The following SIGLEC5 variants were observed in gnomAD, a reference collection of about 807,000 sequenced individuals.
The protein encoded by SIGLEC5 is sialic acid-binding Ig-like lectin 5.
In SIGLEC5, 34 loss-of-function variants were observed where a neutral mutation model predicts 45.9. The ratio of observed to expected loss-of-function variants is 0.74; its 90% CI spans 0.56 to 0.99. SIGLEC5 has a LOEUF of 0.99. Among genes scored for constraint, SIGLEC5 ranks in the 50% least tolerant of loss-of-function variants. The pLI is 0.00. For synonymous variants in SIGLEC5, 203 were observed against 258.6 expected, an observed-to-expected ratio of 0.79 and a Z score of 2.06; for missense variants, 508 against 629.6, an observed-to-expected ratio of 0.81 and a Z score of 2.07.
chr19:51,622,302 T>TA (rs1983320411), intron 8 of SIGLEC5, among the ~76,000 whole-genome samples: 1 of 151,776 alleles, frequency 6.6e-6, no homozygotes, highest in African/African-American at 2.4e-5. Flanking sequence ...TGGCTAATTT[T>TA]TTTTTTTTTT....
At chr19:51,615,526 CACTGGGGTGAGGAGAAGGAGA>C (rs1310099618) in intron 8 of SIGLEC5, among the ~76,000 whole-genome samples, 3 of 152,166 alleles carry the variant, frequency 2.0e-5, no homozygotes, top group Non-Finnish European at 4.4e-5. Context: ...ACCAGAGGCC[CACTGGGGTGAGGAGAAGGAGA>C]ACGGAGGTGG....
At chr19:51,619,056 G>A (rs959792481) in intron 8 of SIGLEC5, among the ~76,000 whole-genome samples, 2 of 152,124 alleles carry the variant, frequency 1.3e-5, no homozygotes, top group Non-Finnish European at 2.9e-5. Flanking sequence ...ATTTGGATTT[G>A]AACATTACAA....
chr19:51,623,828 C>T (rs989643715), intron 8 of SIGLEC5, among the ~76,000 whole-genome samples: 3 of 152,078 alleles, frequency 2.0e-5, no homozygotes, highest in Non-Finnish European at 2.9e-5. Context: ...ATGTTCAGAA[C>T]GGCTCAAATG....
In SIGLEC5 at chr19:51,626,052, T is replaced by C; in HGVS notation, c.1444A>G (p.Ile482Val). The C allele has an allele frequency of 1.2e-6, 2 of 1,613,906 alleles. No individual in the cohort carries two copies. Among genetic ancestry groups the C allele is most frequent in the Non-Finnish European group, 1.7e-6 (2 of 1,179,936 alleles). The change falls in exon 8 of 9, where the codon ATT becomes GTT. Residue 482 changes from isoleucine to valine, a missense_variant. Coordinates refer to ENST00000683636, the MANE Select transcript of SIGLEC5 (RefSeq NM_003830.4). ...CTCACCGAGGTGATGGTACCCATAA[T>C]GGGGTCTTCATCATCCATTTTCTCT... ...RPEKMDDEDP[I>V]MGTITSGSRK...
In SIGLEC5 at chr19:51,615,861, C is replaced by A. The variant is rs189125443; in HGVS notation, c.1465-3439G>T. Among the ~76,000 whole-genome samples, 5 of 152,320 alleles carry A rather than the reference C, an allele frequency of 3.3e-5. No individual in the cohort carries two copies. In the East Asian group the frequency reaches 9.6e-4, roughly 29 times the overall value. ...GCATGATCTCGGCTCACTGCAACCT[C>A]CACCTCCCAGGTTCAAGAGATTCCC... On this transcript the variant is annotated intron_variant, in intron 8 of 8. Transcript: ENST00000683636.
intron 8 of SIGLEC5, among the ~76,000 whole-genome samples, chr19:51,619,969 A>G (rs1023176622): frequency 1.1e-4 from 16 of 152,022 alleles, no homozygotes; most frequent in Non-Finnish European, 1.9e-4. Context: ...CAAATAACCA[A>G]TGTCAGGAAT....
At chr19:51,626,242 C>T (rs866590477) in intron 7 of SIGLEC5, 129 bp from the exon 8 acceptor site, 1 of 690,556 alleles carries the variant, frequency 1.4e-6, no homozygotes, top group South Asian at 1.7e-5. Context: ...ACTCGGAGAC[C>T]TTCCTGACTT....
At position 51,612,212 on chromosome 19, in the gene SIGLEC5, C is replaced by G; in HGVS notation, c.*19G>C. On this transcript the variant is annotated 3_prime_UTR_variant, in exon 9 of 9. Transcript: ENST00000683636. ...CAGGCTGTGGCTCCTCCAGCCAGGACTGAACTCTGGGCAAATCCTCACTTG... is the reference window on the plus strand; with the variant it reads ...CAGGCTGTGGCTCCTCCAGCCAGGAGTGAACTCTGGGCAAATCCTCACTTG... 1 of 1,574,674 alleles carries G rather than the reference C, an allele frequency of 6.4e-7. No individual in the cohort carries two copies. Among genetic ancestry groups the G allele is most frequent in the African/African-American group, 1.4e-5 (1 of 73,918 alleles).
chr19:51,612,897 T>A (rs557900908), intron 8 of SIGLEC5, among the ~76,000 whole-genome samples: 1 of 151,604 alleles, frequency 6.6e-6, no homozygotes, highest in Non-Finnish European at 1.5e-5. Flanking sequence ...CTCTCTCTCT[T>A]GCCCCCTACC....
Position 51,627,939 on chromosome 19 carries a change from T to C in SIGLEC5, c.892A>G (p.Ile298Val). The change falls in exon 5 of 9, where the codon ATC becomes GTC. Residue 298 changes from isoleucine to valine, a missense_variant. Transcript: ENST00000683636. ...LNATPISNTG[I>V]LELRRVRSAE... ...GACCTTACTCGACGAAGCTCCAAGA[T>C]CCCGGTATTGGAGATGGGGGTGGCG... 6.2e-7 allele frequency: 1 copy of C among 1,614,036 alleles called. No homozygotes were observed. Among genetic ancestry groups the C allele is most frequent in the Non-Finnish European group, 8.5e-7 (1 of 1,179,982 alleles).
intron 4 of SIGLEC5, among the ~76,000 whole-genome samples, chr19:51,628,818 TGTGTGTGC>T (rs933265055): frequency 2.0e-5 from 3 of 146,676 alleles, no homozygotes; most frequent in African/African-American, 7.6e-5. Context: ...TATGCATGTG[TGTGTGTGC>T]GTGTGTGTGT....
At chr19:51,618,693 G>A (rs1442942308) in intron 8 of SIGLEC5, among the ~76,000 whole-genome samples, 1 of 144,044 alleles carries the variant, frequency 6.9e-6, no homozygotes, top group African/African-American at 2.6e-5. Flanking sequence ...TCAGGAGGCT[G>A]AAGCAGGAGA....
At chr19:51,618,118 A>G (rs1983134530) in intron 8 of SIGLEC5, among the ~76,000 whole-genome samples, 1 of 151,730 alleles carries the variant, frequency 6.6e-6, no homozygotes, top group Non-Finnish European at 1.5e-5. Flanking sequence ...CTTCTAAGTA[A>G]GAAAGGAGAA....
chr19:51,617,684 C>A (rs1324186221), intron 8 of SIGLEC5, among the ~76,000 whole-genome samples: 1 of 151,776 alleles, frequency 6.6e-6, no homozygotes, highest in African/African-American at 2.4e-5. Flanking sequence ...AACTGAAAAC[C>A]CACTGGGGGG....
At chr19:51,629,208 C>G (rs1983630840) in intron 3 of SIGLEC5, 132 bp from the exon 4 acceptor site, 1 of 1,533,774 alleles carries the variant, frequency 6.5e-7, no homozygotes, top group African/African-American at 1.4e-5. Context: ...CCCCGCAGAT[C>G]CCAAGGCTTA....
chr19:51,619,480 A>C (rs1983200599), intron 8 of SIGLEC5, among the ~76,000 whole-genome samples: 1 of 152,238 alleles, frequency 6.6e-6, no homozygotes, highest in Admixed American at 6.5e-5. Flanking sequence ...AGTAGATATC[A>C]TAAAACCATG....
At position 51,626,206 on chromosome 19, in the gene SIGLEC5, T is replaced by C. The variant is rs1983474344; in HGVS notation, c.1383-93A>G. ...CATGCTAAGATGGTGAAAATGACAA[T>C]GAAGCCATCCAGGCCCCGGAACTAA... is the stretch of plus-strand genomic sequence containing the variant. On this transcript the variant is annotated intron_variant, in intron 7 of 8. Transcript: ENST00000683636. 12 of 1,012,612 alleles carry C rather than the reference T, an allele frequency of 1.2e-5. No homozygotes were observed. In the South Asian group the frequency reaches 1.6e-4, roughly 13 times the overall value. The allele number at this position is 1,012,612 out of a possible 1,614,324, so 62.7% of individuals were successfully genotyped here.
Position 51,612,447 on chromosome 19 carries a change from T to C in SIGLEC5, c.1465-25A>G, listed in dbSNP as rs778929627. ...CCTGAGTAAAGGGGAAGGAAAGGTG[T>C]CACAGTAGGAATAAAGAGGCAGGTG... On this transcript the variant is annotated intron_variant, in intron 8 of 8. Coordinates refer to ENST00000683636, the MANE Select transcript of SIGLEC5 (RefSeq NM_003830.4). 5 of 1,540,116 alleles carry C rather than the reference T, an allele frequency of 3.2e-6. No individual in the cohort carries two copies. In the South Asian group the frequency reaches 5.8e-5, roughly 18 times the overall value.
At chr19:51,624,776 C>T (rs1983417013) in intron 8 of SIGLEC5, among the ~76,000 whole-genome samples, 1 of 152,054 alleles carries the variant, frequency 6.6e-6, no homozygotes, top group South Asian at 2.1e-4. Context: ...CGAGACCACC[C>T]TGGCCAACAT....
Sources: allele counts gnomAD v4.1 joint callset (sites outside exome capture counted in the v4.1 genomes callset), GRCh38; gene constraint gnomAD v4.1.1; transcripts MANE v1.5; gene names NCBI Gene and HGNC (gene_info 2026-07-23, HGNC 2026-07-21).